The following JARID2 variants were observed in gnomAD, a reference collection of about 807,000 sequenced individuals.
The protein encoded by JARID2 is jumonji and AT-rich interaction domain containing 2.
JARID2 carries 21 observed loss-of-function variants against 125.6 expected under a neutral mutation model. That is an observed-to-expected ratio of 0.17 (90% CI 0.12 to 0.24). The LOEUF (loss-of-function observed/expected upper bound fraction) is 0.24. JARID2 is among the 10% of genes least tolerant of loss of function. The pLI is 1.00. For synonymous variants in JARID2, 736 were observed against 661.6 expected, an observed-to-expected ratio of 1.11 and a Z score of -1.73; for missense variants, 1,303 against 1,639.6, an observed-to-expected ratio of 0.79 and a Z score of 3.55.
intron 5 of JARID2, among the ~76,000 whole-genome samples, chr6:15,472,371 C>A (rs974608686): frequency 6.6e-6 from 1 of 152,136 alleles, no homozygotes; most frequent in Non-Finnish European, 1.5e-5. Context: ...GGACTAACTT[C>A]ACTGAAATGT....
chr6:15,476,827 C>T (rs1040140385), intron 5 of JARID2, among the ~76,000 whole-genome samples: 4 of 152,122 alleles, frequency 2.6e-5, no homozygotes, highest in African/African-American at 9.7e-5. Flanking sequence ...ATTTATATTA[C>T]AAGTTGATAT....
rs371820894 is a variant in JARID2 at position 15,513,215 on chromosome 6, C to T, written c.3267-24C>T. The T allele has an allele frequency of 2.1e-5, 32 of 1,551,064 alleles. No homozygotes were observed. In the African/African-American group the frequency reaches 3.0e-4, roughly 14 times the overall value. ...GCATGGCAGGCCGTCACTAAAGGTG[C>T]GGGCCGTCTCCCGTGTCTGGCAGGG... is the stretch of plus-strand genomic sequence containing the variant. On this transcript the variant is annotated intron_variant, in intron 15 of 17. Transcript: ENST00000341776.
rs373611471 is a variant in JARID2 at position 15,520,554 on chromosome 6, AT to A, written c.*316del. 13,426 of 244,860 alleles carry A rather than the reference AT, an allele frequency of 0.055. 6 individuals are homozygous for A. Among genetic ancestry groups the A allele is most frequent in the South Asian group, 0.11 (2,417 of 22,498 alleles). The allele number at this position is 244,860 out of a possible 1,614,324, so 15.2% of individuals were successfully genotyped here. A position where few individuals can be genotyped will look rare whatever the true frequency, so the allele number is the denominator to read the frequency against. ...ACAAAAGCCTTTTTTTTTGGTTTTG[AT>A]TTTTTTTTTTTTGTAACTGTTGGGG... On this transcript the variant is annotated 3_prime_UTR_variant, in exon 18 of 18. Coordinates refer to ENST00000341776, the MANE Select transcript of JARID2 (RefSeq NM_004973.4).
intron 1 of JARID2, among the ~76,000 whole-genome samples, chr6:15,285,771 TTTCTAGCCATGCA>T (rs1167562626): frequency 1.3e-5 from 2 of 152,212 alleles, no homozygotes; most frequent in African/African-American, 4.8e-5. Flanking sequence ...GTAAGTGTGA[TTTCTAGCCATGCA>T]TCCTTTTAAA....
intron 1 of JARID2, among the ~76,000 whole-genome samples, chr6:15,270,936 C>A (rs2327883): frequency 2.0e-5 from 3 of 151,056 alleles, no homozygotes; most frequent in Admixed American, 1.3e-4. Flanking sequence ...GCAAGGCTCC[C>A]TCTCAAAAAA....
intron 1 of JARID2, chr6:15,248,142 C>T: frequency 1.0e-6 from 1 of 957,192 alleles, no homozygotes; most frequent in Non-Finnish European, 1.2e-6. Flanking sequence ...TGGCTGGCGG[C>T]GGCTGCGGGA....
chr6:15,318,040 T>C (rs553596483), intron 1 of JARID2, among the ~76,000 whole-genome samples: 45 of 152,134 alleles, frequency 3.0e-4, no homozygotes, highest in Non-Finnish European at 4.9e-4. Context: ...TTAGTGAATA[T>C]ATCAGCTGTG....
intron 5 of JARID2, among the ~76,000 whole-genome samples, chr6:15,478,429 GT>G (rs1047217159): frequency 6.6e-6 from 1 of 152,088 alleles, no homozygotes; most frequent in African/African-American, 2.4e-5. Context: ...ACTGTATTTA[GT>G]TTTTTCGTGC....
Position 15,408,535 on chromosome 6 carries a change from G to A in JARID2, c.182-1689G>A, listed in dbSNP as rs139867185. On this transcript the variant is annotated intron_variant, in intron 2 of 17. Coordinates refer to ENST00000341776, the MANE Select transcript of JARID2 (RefSeq NM_004973.4). Reference sequence around the variant, plus strand: ...ACTAATGTGATCTGAGTGCTGATCAGTAAAGATATTATTTAAACTACATAC... The same window carrying A: ...ACTAATGTGATCTGAGTGCTGATCAATAAAGATATTATTTAAACTACATAC... Among the ~76,000 whole-genome samples, 4 of 152,298 alleles carry A rather than the reference G, an allele frequency of 2.6e-5. No individual in the cohort carries two copies. In the East Asian group the frequency reaches 5.8e-4, roughly 22 times the overall value.
intron 1 of JARID2, among the ~76,000 whole-genome samples, chr6:15,354,308 T>C (rs907118648): frequency 1.4e-4 from 22 of 152,182 alleles, no homozygotes; most frequent in Admixed American, 1.2e-3. Context: ...GGGCACGGTA[T>C]TGGATTCTCT....
chr6:15,378,848 T>C (rs1184257230), intron 2 of JARID2, among the ~76,000 whole-genome samples: 3 of 152,210 alleles, frequency 2.0e-5, no homozygotes, highest in Non-Finnish European at 2.9e-5. Flanking sequence ...AACAGCAGAA[T>C]GGATTTTACA....
chr6:15,285,533 G>T (rs1437366002), intron 1 of JARID2, among the ~76,000 whole-genome samples: 1 of 152,004 alleles, frequency 6.6e-6, no homozygotes, highest in Non-Finnish European at 1.5e-5. Context: ...GTCATAGAAT[G>T]ACTTAAAAAT....
intron 1 of JARID2, among the ~76,000 whole-genome samples, chr6:15,292,863 C>T (rs968927784): frequency 6.6e-6 from 1 of 152,106 alleles, no homozygotes; most frequent in African/African-American, 2.4e-5. Context: ...GACACGAGAT[C>T]TTCCTATGTT....
At chr6:15,260,361 C>G (rs1297765685) in intron 1 of JARID2, among the ~76,000 whole-genome samples, 1 of 152,150 alleles carries the variant, frequency 6.6e-6, no homozygotes. Context: ...ATCCTCAAAA[C>G]TACTGTTAGG....
Position 15,401,124 on chromosome 6 carries a change from C to T in JARID2, c.182-9100C>T, listed in dbSNP as rs1765415306. On this transcript the variant is annotated intron_variant, in intron 2 of 17. Coordinates refer to ENST00000341776, the MANE Select transcript of JARID2 (RefSeq NM_004973.4). ...CTTTGTGGGTTTCCCTGCTGGGGTC[C>T]TGATTAAATCCATTGTGGATGGCAA... 3.1e-6 allele frequency: 4 copies of T among 1,276,964 alleles called. No individual in the cohort carries two copies. In the East Asian group the frequency reaches 2.2e-4, roughly 71 times the overall value. 79.1% of individuals were successfully genotyped at this position (1,276,964 alleles called of 1,614,324 possible).
chr6:15,421,751 G>A (rs1766499592), intron 3 of JARID2, among the ~76,000 whole-genome samples: 1 of 152,188 alleles, frequency 6.6e-6, no homozygotes, highest in Non-Finnish European at 1.5e-5. Context: ...ACTGTACCAT[G>A]TCACCTTCCA....
Position 15,501,305 on chromosome 6 carries a change from T to C in JARID2, c.2344T>C (p.Leu782=), listed in dbSNP as rs950645475. The change falls in exon 8 of 18, where the codon TTG becomes CTG. Residue 782 remains leucine (L), a synonymous_variant. Coordinates refer to ENST00000341776, the MANE Select transcript of JARID2 (RefSeq NM_004973.4). ...SKLKEVGQAQ[L]KTGRRRLFAQ... ...GCTCAAGGAGGTGGGCCAGGCCCAGTTGAAGACTGGCCGGCGGCGACTCTT... is the reference window on the plus strand; with the variant it reads ...GCTCAAGGAGGTGGGCCAGGCCCAGCTGAAGACTGGCCGGCGGCGACTCTT... The C allele has an allele frequency of 4.0e-5, 65 of 1,612,024 alleles. No homozygotes were observed. The highest frequency in any genetic ancestry group is 5.2e-5 in the Non-Finnish European group (61 of 1,178,686).
rs1561924057 is a variant in JARID2, at chr6:15,520,397, A to G, written c.*146A>G. Reference sequence around the variant, plus strand: ...GGTTTTAGAGAACTAATTTTGTTTTAGCATTAAACTGTTGAACTTTTTTTT... The same window carrying G: ...GGTTTTAGAGAACTAATTTTGTTTTGGCATTAAACTGTTGAACTTTTTTTT... On this transcript the variant is annotated 3_prime_UTR_variant, in exon 18 of 18. Transcript: ENST00000341776. 1 of 644,800 alleles carries G rather than the reference A, an allele frequency of 1.6e-6. No homozygotes were observed. Among genetic ancestry groups the G allele is most frequent in the Admixed American group, 3.7e-5 (1 of 27,310 alleles). 39.9% of individuals were successfully genotyped at this position (644,800 alleles called of 1,614,324 possible). A position where few individuals can be genotyped will look rare whatever the true frequency, so the allele number is the denominator to read the frequency against.
At chr6:15,333,261 G>A (rs375421496) in intron 1 of JARID2, among the ~76,000 whole-genome samples, 2 of 152,074 alleles carry the variant, frequency 1.3e-5, no homozygotes, top group Admixed American at 6.5e-5. Flanking sequence ...TATACAACTC[G>A]GTGTTTTTTA....
Sources: gnomAD v4.1 joint callset for allele counts (sites outside exome capture counted in the v4.1 genomes callset) on GRCh38, gnomAD v4.1.1 for gene constraint, MANE v1.5 for transcripts, NCBI Gene and HGNC (gene_info 2026-07-23, HGNC 2026-07-21) for gene names.